RNF150: variants seen among roughly 807,000 people sequenced by gnomAD.
RNF150 encodes ring finger protein 150.
Under a neutral mutation model 39.3 loss-of-function variants are expected in RNF150, and 24 were observed. The observed-to-expected ratio is 0.61, with a 90% CI of 0.44 to 0.86. The LOEUF (loss-of-function observed/expected upper bound fraction) is 0.86. Ranked by LOEUF, RNF150 falls within the 40% of genes least tolerant of loss-of-function variation. The pLI is 0.00. For synonymous variants in RNF150, 255 were observed against 227.3 expected (o/e 1.12, Z -1.10); for missense variants, 502 against 587.8 (o/e 0.85, Z 1.51).
At chr4:140,958,299 G>A (rs952464533) in intron 2 of RNF150, among the ~76,000 whole-genome samples, 1 of 152,028 alleles carries the variant, frequency 6.6e-6, no homozygotes, top group African/African-American at 2.4e-5. Context: ...TATTAGGAAG[G>A]TCTTAACATG....
At chr4:141,204,636 G>T (rs2111222045) in intron 1 of RNF150, among the ~76,000 whole-genome samples, 1 of 152,270 alleles carries the variant, frequency 6.6e-6, no homozygotes. Flanking sequence ...CAGGGGCAGA[G>T]CTGGAAGCAG....
rs1197566062 is a variant in RNF150 at position 141,133,119 on chromosome 4, C to T, written c.-311G>A. On this transcript the variant is annotated 5_prime_UTR_variant, in exon 1 of 7. Transcript: ENST00000515673. ...TGCTGCCGAGCGTCCTGCTCCTTCG[C>T]CCGGCTTCGCCTTCTCTCATAAGGG... 3.1e-6 allele frequency: 1 copy of T among 319,888 alleles called. No homozygotes were observed. The highest frequency in any genetic ancestry group is 2.3e-5 in the African/African-American group (1 of 43,828). The allele number at this position is 319,888 out of a possible 1,614,324, so 19.8% of individuals were successfully genotyped here.
At chr4:140,891,659 T>C (rs1221307778) in intron 6 of RNF150, among the ~76,000 whole-genome samples, 1 of 152,166 alleles carries the variant, frequency 6.6e-6, no homozygotes, top group Non-Finnish European at 1.5e-5. Flanking sequence ...CCCAAGTTCC[T>C]TATATAAAAT....
intron 1 of RNF150, among the ~76,000 whole-genome samples, chr4:141,108,214 G>A (rs898344591): frequency 9.9e-5 from 15 of 152,170 alleles, no homozygotes; most frequent in East Asian, 5.8e-4. Flanking sequence ...GGGGTAGACC[G>A]GCATTCTTCC....
At chr4:140,975,962 C>G (rs1160693914) in intron 1 of RNF150, among the ~76,000 whole-genome samples, 2 of 152,078 alleles carry the variant, frequency 1.3e-5, no homozygotes. Flanking sequence ...CTTTTTCAAA[C>G]CCTTCCTATG....
At chr4:141,010,791 G>A (rs916357422) in intron 1 of RNF150, among the ~76,000 whole-genome samples, 1 of 152,134 alleles carries the variant, frequency 6.6e-6, no homozygotes, top group Non-Finnish European at 1.5e-5. Context: ...GATGGACCCA[G>A]GGAGGAGGCT....
At chr4:140,992,538 T>G (rs1734231251) in intron 1 of RNF150, among the ~76,000 whole-genome samples, 1 of 152,104 alleles carries the variant, frequency 6.6e-6, no homozygotes, top group African/African-American at 2.4e-5. Context: ...CTCCCACTGC[T>G]GTTAGCGGGA....
In RNF150 at chr4:140,860,252, A is replaced by T. The variant is rs1017125089; in HGVS notation, c.*8009T>A. ...AAAGAAATTTATACAGAAAAAATTTAAAAAACTACACTGCCTTAACTAATC... is the reference window on the plus strand; with the variant it reads ...AAAGAAATTTATACAGAAAAAATTTTAAAAACTACACTGCCTTAACTAATC... On this transcript the variant is annotated 3_prime_UTR_variant, in exon 7 of 7. Transcript: ENST00000515673. 1.3e-5 allele frequency: 2 copies of T among 152,104 alleles called. No homozygotes were observed. The highest frequency in any genetic ancestry group is 2.9e-5 in the Non-Finnish European group (2 of 68,014). The allele number at this position is 152,104 out of a possible 1,614,324, so 9.4% of individuals were successfully genotyped here.
At chr4:140,868,731 AAAAT>A (rs1332896497) in intron 6 of RNF150, among the ~76,000 whole-genome samples, 2 of 152,202 alleles carry the variant, frequency 1.3e-5, no homozygotes, top group Non-Finnish European at 2.9e-5. Flanking sequence ...ACACACATGT[AAAAT>A]AAAATCAAAA....
intron 1 of RNF150, among the ~76,000 whole-genome samples, chr4:141,100,493 C>T (rs1195604443): frequency 2.0e-5 from 3 of 152,206 alleles, no homozygotes; most frequent in Non-Finnish European, 4.4e-5. Context: ...CTATCAAGGA[C>T]GTTCACACTT....
intron 1 of RNF150, among the ~76,000 whole-genome samples, chr4:141,131,835 G>A (rs1726897109): frequency 6.6e-6 from 1 of 152,032 alleles, no homozygotes; most frequent in Admixed American, 6.6e-5. Context: ...AAACCCAAAA[G>A]GGGAAACTCT....
At chr4:140,939,454 G>A (rs895483653) in intron 4 of RNF150, among the ~76,000 whole-genome samples, 1 of 152,216 alleles carries the variant, frequency 6.6e-6, no homozygotes, top group Admixed American at 6.5e-5. Flanking sequence ...AGAAGAGAAA[G>A]AGGAAGGGTA....
rs192049531 is a variant in RNF150, at chr4:141,043,105, G to A, written c.485-75232C>T. 8.5e-5 allele frequency among the ~76,000 whole-genome samples: 13 copies of A among 152,126 alleles called. No homozygotes were observed. The South Asian group carries it at 2.5e-3, about 29-fold the overall frequency. ...AAAAATATAATATGAATGTCAGTATGTACAAAAAAATTCAAATATAATTTC... is the reference window on the plus strand; with the variant it reads ...AAAAATATAATATGAATGTCAGTATATACAAAAAAATTCAAATATAATTTC... On this transcript the variant is annotated intron_variant, in intron 1 of 6. Transcript: ENST00000515673.
At chr4:140,978,925 G>A (rs1176880432) in intron 1 of RNF150, among the ~76,000 whole-genome samples, 2 of 152,004 alleles carry the variant, frequency 1.3e-5, no homozygotes, top group African/African-American at 4.8e-5. Context: ...TTCTATTAGA[G>A]CAAATAATAA....
At chr4:141,166,058 C>A (rs1001066313) in intron 1 of RNF150, among the ~76,000 whole-genome samples, 1 of 151,872 alleles carries the variant, frequency 6.6e-6, no homozygotes, top group Non-Finnish European at 1.5e-5. Context: ...ACTAGCCAAA[C>A]TAATAAAGAA....
intron 1 of RNF150, among the ~76,000 whole-genome samples, chr4:140,984,315 A>T (rs1733953608): frequency 6.6e-6 from 1 of 152,136 alleles, no homozygotes; most frequent in African/African-American, 2.4e-5. Flanking sequence ...GGCTTGATAC[A>T]TAAATTATTG....
intron 1 of RNF150, among the ~76,000 whole-genome samples, chr4:141,014,413 T>G (rs1276171935): frequency 6.6e-6 from 1 of 152,200 alleles, no homozygotes; most frequent in Non-Finnish European, 1.5e-5. Context: ...TTGAGGAACC[T>G]CCACACCGCT....
chr4:140,923,626 T>C (rs28847905), intron 5 of RNF150, among the ~76,000 whole-genome samples: 49,304 of 152,090 alleles, frequency 0.32, 8,424 homozygotes, highest in East Asian at 0.69. Context: ...ACTGGGTATA[T>C]ACCCTAAGGA....
intron 6 of RNF150, among the ~76,000 whole-genome samples, chr4:140,878,547 G>T (rs75760980): frequency 0.037 from 5,627 of 152,072 alleles, 367 homozygotes; most frequent in African/African-American, 0.13. Flanking sequence ...TTGGCCATTT[G>T]TACTTCTTCT....
Sources: allele counts gnomAD v4.1 joint callset (sites outside exome capture counted in the v4.1 genomes callset), GRCh38; gene constraint gnomAD v4.1.1; transcripts MANE v1.5; gene names NCBI Gene and HGNC (gene_info 2026-07-23, HGNC 2026-07-21).